The following ABCA5 variants were observed in gnomAD, a reference collection of about 807,000 sequenced individuals.
The protein encoded by ABCA5 is cholesterol transporter ABCA5.
ABCA5 carries 163 observed loss-of-function variants against 206.0 expected under a neutral mutation model. That is an observed-to-expected ratio of 0.79 (90% confidence interval 0.70 to 0.90). The LOEUF (loss-of-function observed/expected upper bound fraction) is 0.90, where lower values mean the gene tolerates loss of function less well. ABCA5 is among the 40% of genes least tolerant of loss of function. The pLI is 0.00. For synonymous variants in ABCA5, 609 were observed against 613.8 expected (o/e 0.99, Z 0.11); for missense variants, 1,859 against 1,912.9 (o/e 0.97, Z 0.53).
At chr17:69,312,167 T>C (rs1598205750) in intron 3 of ABCA5, among the ~76,000 whole-genome samples, 4 of 152,210 alleles carry the variant, frequency 2.6e-5, no homozygotes, top group Non-Finnish European at 4.4e-5. Context: ...TAATCATTAA[T>C]AGCATAAGAA....
chr17:69,268,661 T>C (rs2075237807), intron 22 of ABCA5: 1 of 152,212 alleles, frequency 6.6e-6, no homozygotes, highest in African/African-American at 2.4e-5. Context: ...AAGGATACTA[T>C]ATTATCAGCC....
chr17:69,283,185 T>C (rs976623678), intron 18 of ABCA5, among the ~76,000 whole-genome samples: 1 of 151,950 alleles, frequency 6.6e-6, no homozygotes, highest in Non-Finnish European at 1.5e-5. Context: ...GGTTTTGCCA[T>C]GTTGCCAAGA....
At chr17:69,268,574 G>C (rs1238956293) in intron 22 of ABCA5, 1 of 151,968 alleles carries the variant, frequency 6.6e-6, no homozygotes, top group Admixed American at 6.6e-5. Context: ...GCTTCCCCAG[G>C]GATCCAGGTG....
At chr17:69,318,731 C>A in intron 1 of ABCA5, 1 of 621,172 alleles carries the variant, frequency 1.6e-6, no homozygotes, top group Non-Finnish European at 3.0e-6. Context: ...GGAGTAGACA[C>A]CATGAGCAAA....
intron 35 of ABCA5, chr17:69,251,461 G>T: frequency 3.3e-6 from 1 of 307,674 alleles, no homozygotes. Flanking sequence ...TTTCATATTT[G>T]TGTTACATAA....
intron 9 of ABCA5, among the ~76,000 whole-genome samples, chr17:69,300,931 C>G (rs1567776176): frequency 6.6e-6 from 1 of 152,108 alleles, no homozygotes; most frequent in Non-Finnish European, 1.5e-5. Flanking sequence ...TTCAAAACTG[C>G]TCTCTTTTTA....
intron 23 of ABCA5, among the ~76,000 whole-genome samples, chr17:69,266,635 GA>G (rs891556335): frequency 4.8e-5 from 7 of 145,742 alleles, no homozygotes; most frequent in South Asian, 2.1e-4. Flanking sequence ...ATTTATATTG[GA>G]AAAAAAATGT....
intron 18 of ABCA5, among the ~76,000 whole-genome samples, chr17:69,280,879 T>C (rs1279982711): frequency 3.3e-5 from 5 of 152,034 alleles, no homozygotes; most frequent in Admixed American, 1.3e-4. Context: ...CTGGGCACTA[T>C]TGTGGGGTTG....
chr17:69,320,739 C>T (rs1056002806), intron 1 of ABCA5, among the ~76,000 whole-genome samples: 1 of 152,226 alleles, frequency 6.6e-6, no homozygotes, highest in African/African-American at 2.4e-5. Flanking sequence ...ATTCACCCTC[C>T]TCTTTGCCTG....
At chr17:69,280,895 G>A (rs2075384900) in intron 18 of ABCA5, among the ~76,000 whole-genome samples, 1 of 152,138 alleles carries the variant, frequency 6.6e-6, no homozygotes, top group Admixed American at 6.5e-5. Flanking sequence ...GGTTGGGGGA[G>A]CGGGGAGGGA....
At chr17:69,275,248 C>G in intron 19 of ABCA5, among the ~76,000 whole-genome samples, 1 of 152,122 alleles carries the variant, frequency 6.6e-6, no homozygotes, top group East Asian at 1.9e-4. Context: ...TCATCCTAAT[C>G]GCAATTTTAT....
intron 5 of ABCA5, among the ~76,000 whole-genome samples, chr17:69,307,660 A>G (rs1473993858): frequency 2.0e-5 from 3 of 152,114 alleles, no homozygotes; most frequent in Non-Finnish European, 4.4e-5. Flanking sequence ...CTGTACTACA[A>G]AAGTTTACAA....
At position 69,283,871 on chromosome 17, in the gene ABCA5, A is replaced by G. The variant is rs144678477; in HGVS notation, c.2392+82T>C. The G allele has an allele frequency of 1.6e-5, 22 of 1,375,190 alleles. No individual in the cohort carries two copies. The African/African-American group carries it at 3.1e-4, about 19-fold the overall frequency. 85.2% of individuals were successfully genotyped at this position (1,375,190 alleles called of 1,614,324 possible). On this transcript the variant is annotated intron_variant, in intron 18 of 38. Coordinates refer to ENST00000392676, the MANE Select transcript of ABCA5 (RefSeq NM_172232.4). ...CTACCCTTTATTCTAAAAAAAATAT[A>G]AAATTACATTTATATAATTTTTGTC...
intron 5 of ABCA5, among the ~76,000 whole-genome samples, chr17:69,307,158 C>T (rs1302454829): frequency 2.0e-5 from 3 of 151,844 alleles, no homozygotes; most frequent in East Asian, 3.9e-4. Flanking sequence ...TAAAAGTATA[C>T]CATAAAGTTT....
chr17:69,294,636 T>C lies in ABCA5; in HGVS notation c.1495+19A>G. 1 of 1,587,606 alleles carries C rather than the reference T, an allele frequency of 6.3e-7. No individual in the cohort carries two copies. On this transcript the variant is annotated intron_variant, in intron 11 of 38. Coordinates refer to ENST00000392676, the MANE Select transcript of ABCA5 (RefSeq NM_172232.4). ...TGTACTTTAAATACTATGGCCTGAA[T>C]ACTAGGAAAACTACTTACTTCTCAA...
chr17:69,301,465 C>T (rs7221443), intron 8 of ABCA5, among the ~76,000 whole-genome samples, 179 bp from the exon 9 acceptor site: 6,982 of 152,090 alleles, frequency 0.046, 195 homozygotes, highest in Non-Finnish European at 0.066. Flanking sequence ...AAAGACTTTA[C>T]AAAAATGTAA....
chr17:69,293,382 C>G (rs2075549099), intron 11 of ABCA5, among the ~76,000 whole-genome samples: 2 of 152,110 alleles, frequency 1.3e-5, no homozygotes, highest in African/African-American at 4.8e-5. Flanking sequence ...CTGTTTCATT[C>G]TTGAGGCAGA....
Position 69,307,651 on chromosome 17 carries a change from T to A in ABCA5, c.558+629A>T, listed in dbSNP as rs114831013. On this transcript the variant is annotated intron_variant, in intron 5 of 38. Transcript: ENST00000392676. ...TTACACGTCCCTAATATGTTTATAC[T>A]GTACTACAAAAGTTTACAAGACAAT... is the stretch of plus-strand genomic sequence containing the variant. 6.6e-3 allele frequency among the ~76,000 whole-genome samples: 1,011 copies of A among 152,244 alleles called. 15 individuals are homozygous for A. Among genetic ancestry groups the A allele is most frequent in the African/African-American group, 0.023 (943 of 41,576 alleles).
chr17:69,314,259 A>G, intron 2 of ABCA5, 55 bp downstream of exon 2: 2 of 1,070,058 alleles, frequency 1.9e-6, no homozygotes, highest in South Asian at 1.5e-5. Context: ...TCAAGATAGA[A>G]TATATCAAGC....
Sources: allele counts gnomAD v4.1 joint callset (sites outside exome capture counted in the v4.1 genomes callset), GRCh38; gene constraint gnomAD v4.1.1; transcripts MANE v1.5; gene names NCBI Gene and HGNC (gene_info 2026-07-23, HGNC 2026-07-21).